SMC2: variants seen among roughly 807,000 people sequenced by gnomAD.
The protein encoded by SMC2 is structural maintenance of chromosomes protein 2.
SMC2 carries 41 observed loss-of-function variants against 142.6 expected under a neutral mutation model. That is an observed-to-expected ratio of 0.29 (90% CI 0.22 to 0.37). The LOEUF is 0.37. SMC2 is among the 10% of genes least tolerant of loss of function. The pLI, the probability that SMC2 is intolerant of heterozygous loss-of-function variation, is 1.00. For synonymous variants in SMC2, 463 were observed against 457.5 expected (o/e 1.01, Z -0.15); for missense variants, 1,265 against 1,373.7 (o/e 0.92, Z 1.25).
intron 18 of SMC2, among the ~76,000 whole-genome samples, 160 bp from the exon 19 acceptor site, chr9:104,126,481 T>C (rs538432005): frequency 2.0e-5 from 3 of 152,278 alleles, no homozygotes; most frequent in Non-Finnish European, 4.4e-5. Flanking sequence ...AAACTTCCTT[T>C]TCTGGGGAAG....
chr9:104,108,031 G>A (rs1341593961), intron 9 of SMC2, among the ~76,000 whole-genome samples: 1 of 152,130 alleles, frequency 6.6e-6, no homozygotes, highest in African/African-American at 2.4e-5. Flanking sequence ...TGCACCACAA[G>A]CAACCAAACT....
At chr9:104,115,526 G>A (rs1045530202) in intron 13 of SMC2, among the ~76,000 whole-genome samples, 3 of 151,638 alleles carry the variant, frequency 2.0e-5, no homozygotes, top group Non-Finnish European at 2.9e-5. Flanking sequence ...GGTAAGCTGC[G>A]GTAAGCTGAG....
At position 104,123,130 on chromosome 9, in the gene SMC2, T is replaced by G; in HGVS notation, c.2155T>G (p.Trp719Gly). 2 of 1,612,170 alleles carry G rather than the reference T, an allele frequency of 1.2e-6. No individual in the cohort carries two copies. The highest frequency in any genetic ancestry group is 1.7e-6 in the Non-Finnish European group (2 of 1,179,120). Residue 719 changes from tryptophan (W) to glycine (G), a missense_variant, in exon 17 of 25, where the codon TGG (tryptophan) becomes GGG (glycine). Physicochemically the swap from Trp to Gly is radical, Grantham distance 184 (BLOSUM62 -2). Around this residue, in one of 4 missense-constraint regions of SMC2, gnomAD observed 898 missense variants for 904.2 expected, o/e 0.99. Transcript: ENST00000374793. ...AEKYRQLKQQ[W>G]EMKTEEADLL... ...AAGGTATCGCCAACTAAAACAGCAG[T>G]GGGAGATGAAAACTGAAGAGGCAGA...
Position 104,134,402 on chromosome 9 carries a change from T to G in SMC2, c.3109-13T>G. The G allele has an allele frequency of 6.4e-7, 1 of 1,560,890 alleles. No homozygotes were observed. The highest frequency in any genetic ancestry group is 8.6e-7 in the Non-Finnish European group (1 of 1,156,158). ...CATCCTGATGTTTTAACTTTTTTATTTTTTAAATCCAGGTGAACAAGGACT... is the reference window on the plus strand; with the variant it reads ...CATCCTGATGTTTTAACTTTTTTATGTTTTAAATCCAGGTGAACAAGGACT... On this transcript the variant is annotated splice_polypyrimidine_tract_variant and intron_variant, in intron 22 of 24. Coordinates refer to ENST00000374793, the MANE Select transcript of SMC2 (RefSeq NM_006444.3).
chr9:104,092,836 T>C (rs535341008), upstream of SMC2: 2 of 152,346 alleles, frequency 1.3e-5, no homozygotes, highest in South Asian at 4.1e-4. Context: ...AAACATGACC[T>C]ACGCTATGGT....
intron 17 of SMC2, 145 bp from the exon 18 acceptor site, chr9:104,124,767 T>G (rs1244549668): frequency 8.6e-6 from 5 of 578,206 alleles, no homozygotes; most frequent in African/African-American, 2.0e-5. Context: ...TGTGTTTCAT[T>G]ATACCATTTC....
chr9:104,123,493 C>CT (rs1833948594), intron 17 of SMC2, among the ~76,000 whole-genome samples: 1 of 152,266 alleles, frequency 6.6e-6, no homozygotes, highest in South Asian at 2.1e-4. Context: ...TTTCTCCAGA[C>CT]TTTTAAAATT....
Position 104,139,382 on chromosome 9 carries a change from CTAA to C in SMC2, c.*69_*71del. 1 of 1,313,044 alleles carries C rather than the reference CTAA, an allele frequency of 7.6e-7. No individual in the cohort carries two copies. The highest frequency in any genetic ancestry group is 1.0e-6 in the Non-Finnish European group (1 of 958,878). The allele number at this position is 1,313,044 out of a possible 1,614,324, so 81.3% of individuals were successfully genotyped here. On this transcript the variant is annotated 3_prime_UTR_variant, in exon 25 of 25. Transcript: ENST00000374793. Reference sequence around the variant, plus strand: ...GTAAACTTTTAAGGACTTGAGATAACTAATTTGTTTATATACAAAAATTAATGT... The same window carrying C: ...GTAAACTTTTAAGGACTTGAGATAACTTTGTTTATATACAAAAATTAATGT...
At chr9:104,118,835 A>G (rs1833411605) in intron 15 of SMC2, among the ~76,000 whole-genome samples, 1 of 152,200 alleles carries the variant, frequency 6.6e-6, no homozygotes, top group Non-Finnish European at 1.5e-5. Context: ...TTAATGGATA[A>G]TTCGACAATG....
chr9:104,134,062 A>T (rs1329261975), intron 22 of SMC2, among the ~76,000 whole-genome samples: 9 of 152,046 alleles, frequency 5.9e-5, no homozygotes, highest in African/African-American at 2.2e-4. Context: ...AGTGTGTTCT[A>T]CAAAAGTGTC....
intron 16 of SMC2, among the ~76,000 whole-genome samples, chr9:104,121,793 C>T (rs1482977598): frequency 6.6e-6 from 1 of 151,080 alleles, no homozygotes; most frequent in Non-Finnish European, 1.5e-5. Context: ...TTGTCTTTTT[C>T]TTTTTTTTTG....
Position 104,109,523 on chromosome 9 carries a change from T to C in SMC2, c.1021-2058T>C, listed in dbSNP as rs564097499. 3.3e-5 allele frequency among the ~76,000 whole-genome samples: 5 copies of C among 152,352 alleles called. 1 individual carries two copies. In the South Asian group the frequency reaches 8.3e-4, roughly 25 times the overall value. ...TGTTGCCACTCTATAGTCTGTTCTT[T>C]ACAGAAGCTAAAATATAAATTGAAT... On this transcript the variant is annotated intron_variant, in intron 9 of 24. Transcript: ENST00000374793.
chr9:104,121,401 TG>T (rs1013428446), intron 16 of SMC2, among the ~76,000 whole-genome samples: 4 of 151,812 alleles, frequency 2.6e-5, no homozygotes, highest in African/African-American at 9.7e-5. Context: ...GAGGCTGAGG[TG>T]GGTGGATTGT....
rs957210256 is a variant in SMC2 at position 104,100,529 on chromosome 9, G to T, written c.636+96G>T. The T allele has an allele frequency of 2.1e-5, 17 of 805,306 alleles. No individual in the cohort carries two copies. The Middle Eastern group carries it at 7.1e-4, about 34-fold the overall frequency. 49.9% of individuals were successfully genotyped at this position (805,306 alleles called of 1,614,324 possible). A position where few individuals can be genotyped will look rare whatever the true frequency, so the allele number is the denominator to read the frequency against. The stretch of plus-strand genomic sequence containing the variant: ...CACATAGTGATACTATTTCTTGGGG[G>T]TTTTTTTCCTGCGATGAGATAAGGA... On this transcript the variant is annotated intron_variant, in intron 7 of 24. Coordinates refer to ENST00000374793, the MANE Select transcript of SMC2 (RefSeq NM_006444.3).
Position 104,114,679 on chromosome 9 carries a change from T to C in SMC2, c.1533-12T>C. On this transcript the variant is annotated splice_polypyrimidine_tract_variant and intron_variant, in intron 12 of 24. Coordinates refer to ENST00000374793, the MANE Select transcript of SMC2 (RefSeq NM_006444.3). ...TATCTAAGATTAATTTTTGTCAACT[T>C]TTGTATTTCAGGGATCCAGAGAAGA... 2.5e-6 allele frequency: 4 copies of C among 1,604,816 alleles called. No individual in the cohort carries two copies. Among genetic ancestry groups the C allele is most frequent in the Non-Finnish European group, 3.4e-6 (4 of 1,175,792 alleles).
intron 9 of SMC2, among the ~76,000 whole-genome samples, chr9:104,107,923 T>C (rs1014601949): frequency 6.6e-5 from 10 of 152,208 alleles, no homozygotes; most frequent in Non-Finnish European, 1.5e-5. Context: ...GAGTAACTTA[T>C]GAGGTCTTAG....
Position 104,102,148 on chromosome 9 carries a change from A to T in SMC2, c.825A>T (p.Lys275Asn), listed in dbSNP as rs978828938. The T allele has an allele frequency of 6.3e-7, 1 of 1,582,496 alleles. No individual in the cohort carries two copies. Among genetic ancestry groups the T allele is most frequent in the Admixed American group, 1.7e-5 (1 of 59,216 alleles). Residue 275 changes from lysine (K) to asparagine (N), a missense_variant, in exon 8 of 25, where the codon AAA (lysine) becomes AAT (asparagine). Physicochemically the swap from Lys to Asn is moderately conservative, Grantham distance 94. Coordinates refer to ENST00000374793, the MANE Select transcript of SMC2 (RefSeq NM_006444.3). ...TGTCTGAGAATGATAAAAAAATAAA[A>T]GCACTTAATCATGAAATAGAAGAAT... ...EELSENDKKI[K>N]ALNHEIEELE...
intron 24 of SMC2, among the ~76,000 whole-genome samples, chr9:104,138,920 G>A (rs1025210570): frequency 6.6e-6 from 1 of 152,004 alleles, no homozygotes; most frequent in African/African-American, 2.4e-5. Context: ...GCAACAAGCA[G>A]TCAACCACCA....
intron 20 of SMC2, among the ~76,000 whole-genome samples, chr9:104,128,087 C>G (rs143357815): frequency 4.6e-5 from 7 of 152,196 alleles, no homozygotes; most frequent in African/African-American, 1.7e-4. Flanking sequence ...AAGCTGCATT[C>G]ACATGGTATT....
Sources: gnomAD v4.1 joint callset for allele counts (sites outside exome capture counted in the v4.1 genomes callset) on GRCh38, gnomAD v4.1.1 for gene constraint, gnomAD v4.1.1 regional missense constraint, MANE v1.5 for transcripts, NCBI Gene and HGNC (gene_info 2026-07-23, HGNC 2026-07-21) for gene names.